Variants in CNOT6 observed in about 807,000 individuals in gnomAD.
CNOT6 encodes the protein carbon catabolite repression 4 protein.
A neutral mutation model predicts 61.2 loss-of-function variants in CNOT6; 12 were observed. The observed-to-expected ratio is 0.20, with a 90% CI of 0.13 to 0.32. CNOT6 has a LOEUF of 0.32. CNOT6 is among the 10% of genes least tolerant of loss of function. CNOT6 has a pLI of 1.00. For synonymous variants in CNOT6, 225 were observed against 240.6 expected, an observed-to-expected ratio of 0.94 and a Z score of 0.60; for missense variants, 405 against 663.9, an observed-to-expected ratio of 0.61 and a Z score of 4.28.
intron 2 of CNOT6, among the ~76,000 whole-genome samples, chr5:180,549,475 CCG>C (rs1491171889): frequency 6.6e-6 from 1 of 151,960 alleles, no homozygotes; most frequent in Non-Finnish European, 1.5e-5. Flanking sequence ...CCGTGAAACC[CCG>C]TCTCTACTAA....
chr5:180,569,045 G>T, intron 9 of CNOT6, 65 bp from the exon 10 acceptor site: 1 of 1,205,792 alleles, frequency 8.3e-7, no homozygotes, highest in Non-Finnish European at 1.2e-6. Flanking sequence ...TTCAGACGCT[G>T]TAAGAATATA....
At chr5:180,562,597 G>A (rs868339741) in intron 4 of CNOT6, among the ~76,000 whole-genome samples, 15 of 152,042 alleles carry the variant, frequency 9.9e-5, no homozygotes, top group African/African-American at 2.2e-4. Context: ...AAAATTAGCC[G>A]GGCATGGTGG....
chr5:180,541,987 G>T (rs1450549754), intron 2 of CNOT6, among the ~76,000 whole-genome samples: 2 of 151,972 alleles, frequency 1.3e-5, no homozygotes, highest in African/African-American at 4.8e-5. Flanking sequence ...TAGCTGTGAC[G>T]ATTTGGAAGG....
At chr5:180,572,589 G>T (rs1326049394) in intron 11 of CNOT6, among the ~76,000 whole-genome samples, 1 of 152,080 alleles carries the variant, frequency 6.6e-6, no homozygotes, top group East Asian at 1.9e-4. Flanking sequence ...CACTCATTTT[G>T]CCCAGGCTGA....
At chr5:180,562,596 C>T (rs1316229603) in intron 4 of CNOT6, among the ~76,000 whole-genome samples, 7 of 151,954 alleles carry the variant, frequency 4.6e-5, no homozygotes, top group Admixed American at 2.6e-4. Flanking sequence ...AAAAATTAGC[C>T]GGGCATGGTG....
At chr5:180,565,134 G>A (rs911267709) in intron 6 of CNOT6, among the ~76,000 whole-genome samples, 17 of 152,252 alleles carry the variant, frequency 1.1e-4, no homozygotes, top group African/African-American at 4.1e-4. Context: ...TCAGTAGTGC[G>A]ACTCTGGTTG....
In CNOT6 at chr5:180,576,769, A is replaced by G. The variant is rs1761015593; in HGVS notation, c.*2569A>G. The G allele has an allele frequency of 6.6e-6, 1 of 152,146 alleles. No individual in the cohort carries two copies. Among genetic ancestry groups the G allele is most frequent in the Non-Finnish European group, 1.5e-5 (1 of 68,028 alleles). The allele number at this position is 152,146 out of a possible 1,614,324, so 9.4% of individuals were successfully genotyped here. A position where few individuals can be genotyped will look rare whatever the true frequency, so the allele number is the denominator to read the frequency against. ...TTAGATATTTTCCGTGTCCTAAATA[A>G]TTTTCAATAATCTATAATCCCTAAA... On this transcript the variant is annotated 3_prime_UTR_variant, in exon 12 of 12. Transcript: ENST00000261951.
intron 2 of CNOT6, among the ~76,000 whole-genome samples, chr5:180,542,355 C>T (rs35076338): frequency 0.25 from 37,917 of 151,810 alleles, 5,810 homozygotes; most frequent in Middle Eastern, 0.41. Context: ...AGCTCTGCCT[C>T]CTGGGTTCAC....
At chr5:180,566,813 T>C (rs7729771) in intron 7 of CNOT6, among the ~76,000 whole-genome samples, 132,052 of 151,746 alleles carry the variant, frequency 0.87, 57,850 homozygotes, top group East Asian at 1. Context: ...CCACCATGCC[T>C]GGCTAATTTT....
chr5:180,565,426 G>A (rs947155832), intron 6 of CNOT6, among the ~76,000 whole-genome samples: 6 of 152,182 alleles, frequency 3.9e-5, no homozygotes, highest in Non-Finnish European at 5.9e-5. Flanking sequence ...TAGTTGTGCT[G>A]TAGAAGAAAA....
intron 2 of CNOT6, among the ~76,000 whole-genome samples, chr5:180,546,616 AAGT>A (rs1375834535): frequency 6.6e-6 from 1 of 152,212 alleles, no homozygotes; most frequent in African/African-American, 2.4e-5. Flanking sequence ...ATATTGCTTT[AAGT>A]AGTCAATTAC....
At position 180,549,956 on chromosome 5, in the gene CNOT6, T is replaced by C; in HGVS notation, c.138T>C (p.Ser46=). ...GAAAAGTAAGAAGCTTAAGCGCATC[T>C]TTGTGGTCACTAACTCACCTGACAG... is the stretch of plus-strand genomic sequence containing the variant. ...ISGKVRSLSA[S]LWSLTHLTAL... Residue 46 remains serine, a synonymous_variant, in exon 3 of 12, where the codon TCT becomes TCC. Transcript: ENST00000261951. 1 of 1,613,482 alleles carries C rather than the reference T, an allele frequency of 6.2e-7. No individual in the cohort carries two copies. The highest frequency in any genetic ancestry group is 8.5e-7 in the Non-Finnish European group (1 of 1,179,472).
intron 1 of CNOT6, among the ~76,000 whole-genome samples, chr5:180,505,326 G>T (rs1201060512): frequency 9.5e-6 from 1 of 105,744 alleles, no homozygotes. Flanking sequence ...CGCGATCTCG[G>T]CTCACTGCAA....
chr5:180,503,429 A>G (rs1026188589), intron 1 of CNOT6, among the ~76,000 whole-genome samples: 6 of 151,308 alleles, frequency 4.0e-5, no homozygotes, highest in Non-Finnish European at 7.4e-5. Flanking sequence ...ATGCCTGGCT[A>G]ATTTTTTGCA....
At chr5:180,553,214 CAG>C (rs1244479551) in intron 3 of CNOT6, among the ~76,000 whole-genome samples, 170 bp from the exon 4 acceptor site, 53 of 151,770 alleles carry the variant, frequency 3.5e-4, no homozygotes, top group African/African-American at 1.1e-3. Flanking sequence ...TATTCTCTGG[CAG>C]TTTTTTTTTT....
At chr5:180,561,356 TTGTGTGTGTGTGTGTGTG>T (rs35909953) in intron 4 of CNOT6, among the ~76,000 whole-genome samples, 6 of 144,748 alleles carry the variant, frequency 4.1e-5, no homozygotes, top group Admixed American at 1.4e-4. Flanking sequence ...CTTGTGTGTT[TTGTGTGTGTGTGTGTGTG>T]TGTGTGTGTG....
At chr5:180,510,165 T>TTTTTTTTTTC (rs1757324591) in intron 1 of CNOT6, among the ~76,000 whole-genome samples, 1 of 82,312 alleles carries the variant, frequency 1.2e-5, no homozygotes, top group African/African-American at 3.9e-5. Flanking sequence ...TTTTTTTTTT[T>TTTTTTTTTTC]TTTTAAGAGA....
At chr5:180,530,159 A>G (rs1758285582) in intron 2 of CNOT6, among the ~76,000 whole-genome samples, 1 of 152,202 alleles carries the variant, frequency 6.6e-6, no homozygotes, top group South Asian at 2.1e-4. Context: ...TGCCTTCTAA[A>G]ATAGTACAGA....
chr5:180,520,172 T>G (rs571699821), intron 1 of CNOT6, among the ~76,000 whole-genome samples: 1 of 152,192 alleles, frequency 6.6e-6, no homozygotes, highest in African/African-American at 2.4e-5. Context: ...ATTTTCAGTT[T>G]TTGGCAATTA....
Sources: allele counts gnomAD v4.1 joint callset (sites outside exome capture counted in the v4.1 genomes callset), GRCh38; gene constraint gnomAD v4.1.1; transcripts MANE v1.5; gene names NCBI Gene and HGNC (gene_info 2026-07-23, HGNC 2026-07-21).